The following NLGN4Y variants were observed in gnomAD, a reference collection of about 807,000 sequenced individuals.
NLGN4Y encodes the protein neuroligin-4, Y-linked.
Under a neutral mutation model 8.4 loss-of-function variants are expected in NLGN4Y, and 4 were observed. The ratio of observed to expected loss-of-function variants is 0.48; its 90% CI spans 0.23 to 1.09. The LOEUF (loss-of-function observed/expected upper bound fraction) is 1.09, where lower values mean the gene tolerates loss of function less well. NLGN4Y is among the 50% of genes least tolerant of loss of function. The probability of loss-of-function intolerance (pLI) is 0.19; values close to 1 mark genes in which losing one functional copy is unlikely to be tolerated. For synonymous variants in NLGN4Y, 35 were observed against 75.6 expected (o/e 0.46, Z 2.78); for missense variants, 90 against 192.3 (o/e 0.47, Z 3.15).
chrY:14,811,380 G>A (rs2043079244), intron 4 of NLGN4Y, among the ~76,000 whole-genome samples: 5 of 33,421 alleles, frequency 1.5e-4, no homozygotes, highest in Admixed American at 1.4e-3. Context: ...TTAGTTTAAA[G>A]GTGCACATAT....
intron 1 of NLGN4Y, among the ~76,000 whole-genome samples, chrY:14,589,791 C>T: frequency 2.9e-5 from 1 of 34,552 alleles, no homozygotes; most frequent in Non-Finnish European, 7.3e-5. Context: ...TCACATTCCT[C>T]AGCCCTTGGG....
At chrY:14,840,303 T>C in intron 6 of NLGN4Y, 110 bp from the exon 7 acceptor site, 1 of 252,873 alleles carries the variant, frequency 4.0e-6, no homozygotes, top group South Asian at 4.0e-5. Context: ...TGCTCATTGA[T>C]AAATATATAT....
chrY:14,799,101 G>A (rs2043022293), intron 4 of NLGN4Y, among the ~76,000 whole-genome samples: 1 of 33,712 alleles, frequency 3.0e-5, no homozygotes, highest in Non-Finnish European at 7.4e-5. Context: ...GTTTTTAGCC[G>A]ACTCCTCAAT....
At chrY:14,675,094 C>G (rs1603502599) in intron 2 of NLGN4Y, among the ~76,000 whole-genome samples, 1 of 33,303 alleles carries the variant, frequency 3.0e-5, no homozygotes, top group East Asian at 8.1e-4. Context: ...CATTTCTTCA[C>G]GCCATTTATT....
chrY:14,546,252 C>T (rs2080172062), intron 1 of NLGN4Y, among the ~76,000 whole-genome samples: 1 of 31,984 alleles, frequency 3.1e-5, no homozygotes, highest in Non-Finnish European at 7.6e-5. Flanking sequence ...ATTGACTAGG[C>T]AATGCAGGGT....
intron 2 of NLGN4Y, among the ~76,000 whole-genome samples, chrY:14,690,126 C>T (rs567880612): frequency 9.0e-5 from 3 of 33,288 alleles, no homozygotes; most frequent in South Asian, 6.7e-4. Context: ...GTACAAGATT[C>T]GGAGGGCTTG....
chrY:14,809,466 CA>C, intron 4 of NLGN4Y, among the ~76,000 whole-genome samples: 1 of 30,055 alleles, frequency 3.3e-5, no homozygotes, highest in Non-Finnish European at 8.0e-5. Context: ...GGCTCTGTGG[CA>C]AAAAAACAAA....
At chrY:14,816,447 C>G in intron 4 of NLGN4Y, among the ~76,000 whole-genome samples, 1 of 34,486 alleles carries the variant, frequency 2.9e-5, no homozygotes, top group African/African-American at 1.1e-4. Context: ...TCCATGATTT[C>G]CTTGTGGCAT....
intron 4 of NLGN4Y, among the ~76,000 whole-genome samples, chrY:14,776,311 T>C: frequency 3.2e-5 from 1 of 31,107 alleles, no homozygotes; most frequent in South Asian, 6.6e-4. Context: ...TATAATGTAA[T>C]GTAAAACATA....
intron 2 of NLGN4Y, among the ~76,000 whole-genome samples, chrY:14,678,637 T>C: frequency 3.0e-5 from 1 of 32,941 alleles, no homozygotes; most frequent in Non-Finnish European, 7.5e-5. Flanking sequence ...CCATTCTTTT[T>C]CTTGCCCACG....
chrY:14,806,977 C>T (rs2043059812), intron 4 of NLGN4Y, among the ~76,000 whole-genome samples: 1 of 32,718 alleles, frequency 3.1e-5, no homozygotes, highest in South Asian at 6.8e-4. Context: ...TAGTGGCTGA[C>T]CATTAAAAGG....
At chrY:14,564,445 A>G (rs972029149) in intron 1 of NLGN4Y, among the ~76,000 whole-genome samples, 2 of 32,909 alleles carry the variant, frequency 6.1e-5, no homozygotes, top group African/African-American at 1.2e-4. Context: ...TTAGTTGGGG[A>G]GAGGAGTCCA....
intron 1 of NLGN4Y, among the ~76,000 whole-genome samples, chrY:14,608,729 T>A (rs2080455972): frequency 3.1e-5 from 1 of 31,998 alleles, no homozygotes; most frequent in East Asian, 8.2e-4. Context: ...TTTTTCTCCT[T>A]TTTTTTTAAT....
intron 5 of NLGN4Y, among the ~76,000 whole-genome samples, chrY:14,829,174 A>G: frequency 3.0e-5 from 1 of 33,868 alleles, no homozygotes; most frequent in Admixed American, 2.6e-4. Flanking sequence ...TAATTCCCAA[A>G]CCGTAATATC....
chrY:14,723,365 A>G, intron 4 of NLGN4Y, 96 bp downstream of exon 4: 4 of 274,244 alleles, frequency 1.5e-5, no homozygotes, highest in South Asian at 3.4e-5. Flanking sequence ...TCCCGTTATT[A>G]CAGTTCCTGG....
At chrY:14,727,900 C>T (rs2080960305) in intron 4 of NLGN4Y, among the ~76,000 whole-genome samples, 1 of 33,202 alleles carries the variant, frequency 3.0e-5, no homozygotes, top group Non-Finnish European at 7.4e-5. Flanking sequence ...GGTCACAAAA[C>T]TTGACAGTGG....
intron 1 of NLGN4Y, among the ~76,000 whole-genome samples, chrY:14,620,796 C>A (rs2080505079): frequency 3.0e-5 from 1 of 33,355 alleles, no homozygotes; most frequent in Non-Finnish European, 7.4e-5. Flanking sequence ...GCACAACATT[C>A]TTTTATTGTC....
At chrY:14,619,804 A>T in intron 1 of NLGN4Y, among the ~76,000 whole-genome samples, 1 of 33,902 alleles carries the variant, frequency 2.9e-5, no homozygotes, top group Admixed American at 2.7e-4. Flanking sequence ...GGATAAAGAA[A>T]ATGTGGTTCA....
At chrY:14,677,014 T>C in intron 2 of NLGN4Y, among the ~76,000 whole-genome samples, 1 of 33,783 alleles carries the variant, frequency 3.0e-5, no homozygotes, top group African/African-American at 1.2e-4. Flanking sequence ...ATTACTCTTC[T>C]GCCTCCTACC....
Sources: gnomAD v4.1 joint callset for allele counts (sites outside exome capture counted in the v4.1 genomes callset) on GRCh38, gnomAD v4.1.1 for gene constraint, MANE v1.5 for transcripts, NCBI Gene and HGNC (gene_info 2026-07-23, HGNC 2026-07-21) for gene names.